DGKH: variants seen among roughly 807,000 people sequenced by gnomAD.
DGKH encodes the protein DAG kinase eta.
A neutral mutation model predicts 159.3 loss-of-function variants in DGKH; 90 were observed. The ratio of observed to expected loss-of-function variants is 0.57; its 90% CI spans 0.48 to 0.67. The LOEUF is 0.67. DGKH is among the 30% of genes least tolerant of loss of function. DGKH has a pLI of 0.00. For synonymous variants in DGKH, 536 were observed against 553.8 expected (o/e 0.97, Z 0.45); for missense variants, 1,181 against 1,506.1 (o/e 0.78, Z 3.57).
At chr13:42,124,117 T>C (rs933109380) in intron 1 of DGKH, among the ~76,000 whole-genome samples, 4 of 152,226 alleles carry the variant, frequency 2.6e-5, no homozygotes, top group African/African-American at 7.2e-5. Flanking sequence ...GGTGATAACA[T>C]AGATTTTATT....
chr13:42,170,379 C>T (rs1956419049), intron 11 of DGKH, among the ~76,000 whole-genome samples: 1 of 151,970 alleles, frequency 6.6e-6, no homozygotes, highest in Non-Finnish European at 1.5e-5. Flanking sequence ...CACCACTGCC[C>T]TACAATCTGG....
At chr13:42,125,698 CAACTT>C (rs1377329124) in intron 1 of DGKH, among the ~76,000 whole-genome samples, 2 of 152,154 alleles carry the variant, frequency 1.3e-5, no homozygotes, top group East Asian at 3.8e-4. Flanking sequence ...AATATTAACT[CAACTT>C]AACTGTCTTA....
chr13:42,083,734 A>G (rs776515907), intron 1 of DGKH, among the ~76,000 whole-genome samples: 2 of 152,226 alleles, frequency 1.3e-5, no homozygotes, highest in Non-Finnish European at 2.9e-5. Flanking sequence ...AGCCCAAGCT[A>G]CTAGGACAGA....
chr13:42,054,101 A>G (rs918628176), intron 1 of DGKH, among the ~76,000 whole-genome samples: 2 of 152,226 alleles, frequency 1.3e-5, no homozygotes, highest in African/African-American at 4.8e-5. Context: ...CCATTAAAAC[A>G]TTATCTTTCA....
intron 3 of DGKH, among the ~76,000 whole-genome samples, chr13:42,147,491 C>T (rs543396398): frequency 6.6e-6 from 1 of 152,138 alleles, no homozygotes; most frequent in South Asian, 2.1e-4. Context: ...CAATACAAAA[C>T]AAGATAATTA....
chr13:42,165,260 T>TC, intron 7 of DGKH, 71 bp from the exon 8 acceptor site: 1 of 742,918 alleles, frequency 1.3e-6, no homozygotes, highest in Non-Finnish European at 2.1e-6. Flanking sequence ...GATTATCAGT[T>TC]CCTTAGATGT....
intron 3 of DGKH, among the ~76,000 whole-genome samples, chr13:42,142,540 C>T (rs987310428): frequency 6.6e-5 from 10 of 151,558 alleles, no homozygotes; most frequent in African/African-American, 2.4e-4. Context: ...ATGGAATGTT[C>T]TTCCATTTGT....
At chr13:42,172,822 C>G (rs1956497258) in intron 11 of DGKH, among the ~76,000 whole-genome samples, 1 of 151,766 alleles carries the variant, frequency 6.6e-6, no homozygotes, top group Non-Finnish European at 1.5e-5. Context: ...TACAGGTGCC[C>G]GCCACCACAC....
At chr13:42,162,984 G>T (rs1040131112) in intron 7 of DGKH, among the ~76,000 whole-genome samples, 2 of 150,976 alleles carry the variant, frequency 1.3e-5, no homozygotes, top group African/African-American at 4.9e-5. Flanking sequence ...TTAGCATTAG[G>T]TATATCTCCT....
At chr13:42,089,152 A>AT (rs1954366247) in intron 1 of DGKH, among the ~76,000 whole-genome samples, 2 of 152,326 alleles carry the variant, frequency 1.3e-5, no homozygotes, top group South Asian at 2.1e-4. Context: ...AAATGGACAA[A>AT]TTCCCAATTA....
intron 3 of DGKH, among the ~76,000 whole-genome samples, chr13:42,133,626 T>G (rs899940335): frequency 6.6e-6 from 1 of 151,676 alleles, no homozygotes; most frequent in Non-Finnish European, 1.5e-5. Context: ...AGCTCTGGAG[T>G]TTGAGGTTGC....
At chr13:42,120,753 T>C (rs1955051449) in intron 1 of DGKH, among the ~76,000 whole-genome samples, 2 of 152,332 alleles carry the variant, frequency 1.3e-5, no homozygotes, top group South Asian at 2.1e-4. Flanking sequence ...TAATTTTTAG[T>C]TATGGTAGAT....
chr13:42,098,679 G>A (rs766734789), intron 1 of DGKH, among the ~76,000 whole-genome samples: 2 of 152,078 alleles, frequency 1.3e-5, no homozygotes, highest in African/African-American at 2.4e-5. Flanking sequence ...AAATGATGCA[G>A]TGAATATTTC....
chr13:42,071,284 G>C (rs530072891), intron 1 of DGKH, among the ~76,000 whole-genome samples: 1 of 152,308 alleles, frequency 6.6e-6, no homozygotes, highest in African/African-American at 2.4e-5. Flanking sequence ...TAGGTTTAAA[G>C]CTCAAAAAGC....
chr13:42,100,949 A>G (rs1285158718), intron 1 of DGKH, among the ~76,000 whole-genome samples: 2 of 152,216 alleles, frequency 1.3e-5, no homozygotes, highest in Admixed American at 6.5e-5. Context: ...TGTGGCCTTA[A>G]GCAAGTCTTT....
chr13:42,081,147 G>C (rs1027346836), intron 1 of DGKH, among the ~76,000 whole-genome samples: 1 of 151,982 alleles, frequency 6.6e-6, no homozygotes, highest in Non-Finnish European at 1.5e-5. Flanking sequence ...GTTGCCAAAT[G>C]AATTTTCCAA....
At chr13:42,154,665 A>T (rs1397693439) in intron 3 of DGKH, among the ~76,000 whole-genome samples, 2 of 152,222 alleles carry the variant, frequency 1.3e-5, no homozygotes, top group African/African-American at 4.8e-5. Context: ...GAATCTTCAT[A>T]AATCATTAAA....
At chr13:42,159,166 C>T in intron 5 of DGKH, 100 bp from the exon 6 acceptor site, 2 of 636,246 alleles carry the variant, frequency 3.1e-6, no homozygotes, top group Non-Finnish European at 5.2e-6. Context: ...CTACTTCCTC[C>T]TTCCCTTTTA....
At chr13:42,252,091 A>C (rs1958624470) in intron 29 of DGKH, among the ~76,000 whole-genome samples, 1 of 151,998 alleles carries the variant, frequency 6.6e-6, no homozygotes, top group Admixed American at 6.6e-5. Flanking sequence ...TTTGGGAGCC[A>C]AGGTTACAGT....
Sources: gnomAD v4.1 joint callset for allele counts (sites outside exome capture counted in the v4.1 genomes callset) on GRCh38, gnomAD v4.1.1 for gene constraint, MANE v1.5 for transcripts, NCBI Gene and HGNC (gene_info 2026-07-23, HGNC 2026-07-21) for gene names.